CACNG5: variants seen among roughly 807,000 people sequenced by gnomAD.
The protein encoded by CACNG5 is voltage-dependent calcium channel gamma-5 subunit.
CACNG5 carries 18 observed loss-of-function variants against 24.8 expected under a neutral mutation model. The ratio of observed to expected loss-of-function variants is 0.73; its 90% CI spans 0.50 to 1.08. The LOEUF (loss-of-function observed/expected upper bound fraction) is 1.08, where lower values mean the gene tolerates loss of function less well. CACNG5 is among the 50% of genes least tolerant of loss of function. The probability of loss-of-function intolerance (pLI) is 0.00; values close to 1 mark genes in which losing one functional copy is unlikely to be tolerated. For synonymous variants in CACNG5, 157 were observed against 149.1 expected, an observed-to-expected ratio of 1.05 and a Z score of -0.39; for missense variants, 349 against 367.9, an observed-to-expected ratio of 0.95 and a Z score of 0.42.
At chr17:66,861,493 G>T (rs1976858009) in intron 1 of CACNG5, among the ~76,000 whole-genome samples, 1 of 152,180 alleles carries the variant, frequency 6.6e-6, no homozygotes, top group Admixed American at 6.5e-5. Flanking sequence ...ACAGTGTCTG[G>T]CACGTGGTCC....
intron 1 of CACNG5, among the ~76,000 whole-genome samples, chr17:66,870,387 C>T (rs534422607): frequency 2.0e-5 from 3 of 152,204 alleles, no homozygotes; most frequent in Non-Finnish European, 4.4e-5. Flanking sequence ...ACAAGTGGTT[C>T]TCAACCAGAG....
intron 1 of CACNG5, among the ~76,000 whole-genome samples, chr17:66,856,052 T>C (rs1438168306): frequency 5.9e-5 from 9 of 152,234 alleles, no homozygotes; most frequent in Non-Finnish European, 1.2e-4. Context: ...CTTGAGTGGG[T>C]AAACCATAGT....
At chr17:66,841,477 G>A (rs767818787) in intron 1 of CACNG5, among the ~76,000 whole-genome samples, 14 of 152,140 alleles carry the variant, frequency 9.2e-5, no homozygotes, top group Non-Finnish European at 1.8e-4. Context: ...GCTGGAATTG[G>A]CTCCTTCCAC....
At chr17:66,866,453 AATTTT>A (rs1976931942) in intron 1 of CACNG5, among the ~76,000 whole-genome samples, 1 of 152,072 alleles carries the variant, frequency 6.6e-6, no homozygotes, top group East Asian at 1.9e-4. Context: ...TTTATTTTTA[AATTTT>A]ATTTTATTTT....
intron 1 of CACNG5, among the ~76,000 whole-genome samples, chr17:66,874,668 A>G (rs904779446): frequency 5.9e-5 from 9 of 152,142 alleles, no homozygotes; most frequent in African/African-American, 2.2e-4. Flanking sequence ...ACCTCCCAAC[A>G]CTACCACATT....
chr17:66,851,821 C>G (rs1482953975), intron 1 of CACNG5, among the ~76,000 whole-genome samples: 1 of 152,188 alleles, frequency 6.6e-6, no homozygotes, highest in Non-Finnish European at 1.5e-5. Context: ...ATATGGGTGA[C>G]TTTCTGGGAA....
At chr17:66,855,345 C>G (rs1976760296) in intron 1 of CACNG5, among the ~76,000 whole-genome samples, 1 of 152,252 alleles carries the variant, frequency 6.6e-6, no homozygotes, top group Admixed American at 6.5e-5. Context: ...CCCGGGGCCT[C>G]TGTCCTGGCT....
At chr17:66,850,078 G>C (rs916781182) in intron 1 of CACNG5, among the ~76,000 whole-genome samples, 1 of 152,176 alleles carries the variant, frequency 6.6e-6, no homozygotes, top group Non-Finnish European at 1.5e-5. Context: ...GGAGAGGTGA[G>C]AAAGCCCCTG....
At chr17:66,854,168 G>A (rs192476274) in intron 1 of CACNG5, among the ~76,000 whole-genome samples, 5 of 152,296 alleles carry the variant, frequency 3.3e-5, no homozygotes, top group Admixed American at 6.5e-5. Context: ...GGTGGCTCAC[G>A]CCTGTAATCT....
Position 66,872,157 on chromosome 17 carries a change from GTTAT to G in CACNG5, c.-103-5070_-103-5067del, listed in dbSNP as rs1487842471. Among the ~76,000 whole-genome samples, 3 of 152,130 alleles carry G rather than the reference GTTAT, an allele frequency of 2.0e-5. 1 individual carries two copies. Among genetic ancestry groups the G allele is most frequent in the Non-Finnish European group, 4.4e-5 (3 of 67,998 alleles). On this transcript the variant is annotated intron_variant, in intron 1 of 5. Transcript: ENST00000533854. ...GAAGCAGCCATCATCAACATTTTGG[GTTAT>G]TTCTTTCCAGTCTGTGAATTTTGTA... is the stretch of plus-strand genomic sequence containing the variant.
At position 66,893,309 on chromosome 17, in the gene CACNG5, A is replaced by G. The variant is rs974427801; in HGVS notation, c.*8069A>G. Among the ~76,000 whole-genome samples the G allele has an allele frequency of 4.6e-5, 7 of 152,182 alleles. No individual in the cohort carries two copies. In the East Asian group the frequency reaches 9.6e-4, roughly 21 times the overall value. ...GGGGGAAGGAAAGGTCTAAATGCAA[A>G]CAACGGTGATGTGTCGTTTCCTGAA... is the stretch of plus-strand genomic sequence containing the variant. On this transcript the variant is annotated 3_prime_UTR_variant, in exon 6 of 6. Coordinates refer to ENST00000533854, the MANE Select transcript of CACNG5 (RefSeq NM_145811.3).
At chr17:66,857,112 C>G (rs1976791804) in intron 1 of CACNG5, among the ~76,000 whole-genome samples, 1 of 140,608 alleles carries the variant, frequency 7.1e-6, no homozygotes, top group African/African-American at 2.8e-5. Flanking sequence ...CTCTGTCACC[C>G]AGGCTGGAGT....
At chr17:66,847,502 A>G (rs1976652828) in intron 1 of CACNG5, among the ~76,000 whole-genome samples, 2 of 152,034 alleles carry the variant, frequency 1.3e-5, no homozygotes, top group Non-Finnish European at 2.9e-5. Context: ...AAACCATCAG[A>G]TCTCGTGAGA....
chr17:66,883,714 G>A (rs1044636295), intron 4 of CACNG5, among the ~76,000 whole-genome samples: 1 of 152,172 alleles, frequency 6.6e-6, no homozygotes, highest in African/African-American at 2.4e-5. Context: ...CAGACCATGG[G>A]CCACATGAGG....
rs1202304621 is a variant in CACNG5, at chr17:66,888,182, CTT to C, written c.*2961_*2962del. Among the ~76,000 whole-genome samples, 10,049 of 118,392 alleles carry C rather than the reference CTT, an allele frequency of 0.085. 403 individuals carry two copies. The highest frequency in any genetic ancestry group is 0.15 in the African/African-American group (4,348 of 29,630). 77.7% of individuals were successfully genotyped at this position (118,392 alleles called of 152,430 possible). ...CCCACACCTGGAACTTACTACCCTA[CTT>C]TTTTTTTTTTTTTTTTTTGAGATGA... On this transcript the variant is annotated 3_prime_UTR_variant, in exon 6 of 6. Transcript: ENST00000533854.
intron 1 of CACNG5, among the ~76,000 whole-genome samples, chr17:66,837,580 A>C (rs1482594131): frequency 6.6e-6 from 1 of 152,154 alleles, no homozygotes; most frequent in Non-Finnish European, 1.5e-5. Context: ...CTGCCCACCA[A>C]ATATCATCCT....
rs920344292 is a variant in CACNG5 at position 66,847,795 on chromosome 17, C to T, written c.-104+12545C>T. Among the ~76,000 whole-genome samples the T allele has an allele frequency of 2.0e-5, 3 of 152,320 alleles. No homozygotes were observed. The East Asian group carries it at 5.8e-4, about 29-fold the overall frequency. On this transcript the variant is annotated intron_variant, in intron 1 of 5. Coordinates refer to ENST00000533854, the MANE Select transcript of CACNG5 (RefSeq NM_145811.3). Reference sequence around the variant, plus strand: ...TTCCCAGGTGGGTGGCCCTCCCTTGCACCTCTTCATTGCAGAGGTGAAGAT... The same window carrying T: ...TTCCCAGGTGGGTGGCCCTCCCTTGTACCTCTTCATTGCAGAGGTGAAGAT...
Position 66,877,255 on chromosome 17 carries a change from C to T in CACNG5, c.-78C>T. 2 of 1,273,684 alleles carry T rather than the reference C, an allele frequency of 1.6e-6. No homozygotes were observed. The highest frequency in any genetic ancestry group is 2.3e-5 in the East Asian group (1 of 42,594). The allele number at this position is 1,273,684 out of a possible 1,614,324, so 78.9% of individuals were successfully genotyped here. ...AGCCGTGGGTACTGCCACCTGCTCA[C>T]CCACTCTCCCTAGCCCCAGAGCGCA... On this transcript the variant is annotated 5_prime_UTR_variant, in exon 2 of 6. Transcript: ENST00000533854.
chr17:66,839,083 T>C (rs774108083), intron 1 of CACNG5, among the ~76,000 whole-genome samples: 3 of 150,248 alleles, frequency 2.0e-5, no homozygotes, highest in Non-Finnish European at 3.0e-5. Flanking sequence ...TGCCTCAGCC[T>C]CCTGAGTAGC....
Sources: allele counts gnomAD v4.1 joint callset (sites outside exome capture counted in the v4.1 genomes callset), GRCh38; gene constraint gnomAD v4.1.1; transcripts MANE v1.5; gene names NCBI Gene and HGNC (gene_info 2026-07-23, HGNC 2026-07-21).